The following MYO7A variants were observed in gnomAD, a reference collection of about 807,000 sequenced individuals.
The protein encoded by MYO7A is unconventional myosin-VIIa.
In MYO7A, 210 loss-of-function variants were observed where a neutral mutation model predicts 263.8. The observed-to-expected ratio is 0.80, with a 90% CI of 0.71 to 0.89. MYO7A has a LOEUF of 0.89. MYO7A is among the 40% of genes least tolerant of loss of function. The pLI, the probability that MYO7A is intolerant of heterozygous loss-of-function variation, is 0.00. For missense variants in MYO7A, 2,820 were observed against 2,968.3 expected (o/e 0.95, Z 1.16); for synonymous variants, 1,239 against 1,197.3 (o/e 1.03, Z -0.72).
chr11:77,203,001 G>T (rs551115299), intron 37 of MYO7A, 59 bp from the exon 38 acceptor site: 2 of 1,531,586 alleles, frequency 1.3e-6, no homozygotes, highest in South Asian at 2.4e-5. Context: ...ACAACCTGGG[G>T]GTTTCTCCCC....
chr11:77,189,387 C>T lies in MYO7A; in HGVS notation c.3547C>T (p.Pro1183Ser). ...GATCAGCAAGCAGCTGACCCACAAC[C>T]CCTCCAAGAGCAGCTATGCCCGGGG... ...CQISKQLTHN[P>S]SKSSYARGWI... Residue 1183 changes from proline to serine, a missense_variant, in exon 28 of 49, where the codon CCC (proline) becomes TCC (serine). Coordinates refer to ENST00000409709, the MANE Select transcript of MYO7A (RefSeq NM_000260.4). 1.2e-6 allele frequency: 2 copies of T among 1,613,846 alleles called. No homozygotes were observed. Among genetic ancestry groups the T allele is most frequent in the Non-Finnish European group, 1.7e-6 (2 of 1,179,902 alleles).
chr11:77,153,232 A>T (rs1451406715), intron 4 of MYO7A, among the ~76,000 whole-genome samples: 2 of 152,016 alleles, frequency 1.3e-5, no homozygotes, highest in Non-Finnish European at 2.9e-5. Context: ...CGGCATGCAG[A>T]TGGAGAGTGG....
chr11:77,200,308 G>A (rs930270838), intron 35 of MYO7A, among the ~76,000 whole-genome samples: 1 of 152,088 alleles, frequency 6.6e-6, no homozygotes, highest in African/African-American at 2.4e-5. Context: ...GAAAAAAGAT[G>A]GCACCAGCAT....
chr11:77,199,653 G>A lies in MYO7A; in HGVS notation c.4687G>A (p.Ala1563Thr), dbSNP rs771213750. The A allele has an allele frequency of 1.9e-6, 3 of 1,612,520 alleles. No individual in the cohort carries two copies. Among genetic ancestry groups the A allele is most frequent in the Non-Finnish European group, 2.5e-6 (3 of 1,179,630 alleles). ...TTCTCCGTGTTGGTCCTGCAGGGGAGCGAAAACGACGGCCCCCAGCTTCAC... is the reference window on the plus strand; with the variant it reads ...TTCTCCGTGTTGGTCCTGCAGGGGAACGAAAACGACGGCCCCCAGCTTCAC... Reference protein sequence around the residue: ...PCSPCWSCRGAKTTAPSFTLA... With the variant: ...PCSPCWSCRGTKTTAPSFTLA... Residue 1563 changes from alanine (A) to threonine (T), a missense_variant, in exon 35 of 49, where the codon GCG becomes ACG. By Grantham distance (58) the Ala-to-Thr change is moderately conservative. Coordinates refer to ENST00000409709, the MANE Select transcript of MYO7A (RefSeq NM_000260.4).
chr11:77,162,095 T>C, intron 12 of MYO7A, 25 bp from the exon 13 acceptor site: 2 of 1,573,968 alleles, frequency 1.3e-6, no homozygotes, highest in Non-Finnish European at 8.6e-7. Context: ...AACAACACCC[T>C]TACCCCATCC....
Position 77,177,445 on chromosome 11 carries a change from C to T in MYO7A, c.2188-104C>T, listed in dbSNP as rs1954741659. The T allele has an allele frequency of 4.3e-6, 4 of 936,886 alleles. No homozygotes were observed. The South Asian group carries it at 5.8e-5, about 14-fold the overall frequency. The allele number at this position is 936,886 out of a possible 1,614,324, so 58.0% of individuals were successfully genotyped here. ...GGAGCTCATGGGGCCCAACTGAGTTCTTGACCTGTGCTCCCAGTGAAGGAA... is the reference window on the plus strand; with the variant it reads ...GGAGCTCATGGGGCCCAACTGAGTTTTTGACCTGTGCTCCCAGTGAAGGAA... On this transcript the variant is annotated intron_variant, in intron 18 of 48. Transcript: ENST00000409709.
intron 2 of MYO7A, among the ~76,000 whole-genome samples, chr11:77,141,209 AATGCATGACTGT>A (rs1951189033): frequency 6.6e-6 from 1 of 152,204 alleles, no homozygotes; most frequent in Non-Finnish European, 1.5e-5. Flanking sequence ...TGACATTAAC[AATGCATGACTGT>A]AGCTGGTTCT....
Position 77,177,599 on chromosome 11 carries a change from C to G in MYO7A, c.2238C>G (p.Asp746Glu), listed in dbSNP as rs1954754036. The G allele has an allele frequency of 6.2e-7, 1 of 1,612,122 alleles. No homozygotes were observed. The highest frequency in any genetic ancestry group is 8.5e-7 in the Non-Finnish European group (1 of 1,179,430). Residue 746 changes from aspartate to glutamate, a missense_variant, in exon 19 of 49, where the codon GAC becomes GAG. Transcript: ENST00000409709. ...TGGAGCGGGACAAAGCCATCACCGA[C>G]AGAGTCATCCTCCTTCAGAAAGTCA... is the stretch of plus-strand genomic sequence containing the variant. Reference protein sequence around the residue: ...LEVERDKAITDRVILLQKVIR... With the variant: ...LEVERDKAITERVILLQKVIR...
intron 2 of MYO7A, among the ~76,000 whole-genome samples, chr11:77,134,997 C>T (rs553712393): frequency 8.5e-5 from 13 of 152,132 alleles, no homozygotes; most frequent in Admixed American, 7.9e-4. Context: ...GTTGGCCAGG[C>T]TGGTCTTGAA....
intron 4 of MYO7A, among the ~76,000 whole-genome samples, chr11:77,148,435 T>C (rs1951735921): frequency 6.6e-6 from 1 of 152,076 alleles, no homozygotes; most frequent in African/African-American, 2.4e-5. Context: ...CCTCAAACCT[T>C]GATATTAGAA....
At chr11:77,132,324 G>T (rs1555046271) in intron 2 of MYO7A, among the ~76,000 whole-genome samples, 1 of 151,940 alleles carries the variant, frequency 6.6e-6, no homozygotes, top group African/African-American at 2.4e-5. Context: ...CCCATTTCCC[G>T]TGGATCTTTC....
chr11:77,152,825 C>T (rs552513918), intron 4 of MYO7A, among the ~76,000 whole-genome samples: 2 of 152,088 alleles, frequency 1.3e-5, no homozygotes, highest in East Asian at 1.9e-4. Flanking sequence ...GAGGAGGCAT[C>T]GTCTCCGCTT....
intron 47 of MYO7A, 29 bp downstream of exon 47, chr11:77,213,064 G>A: frequency 3.9e-6 from 6 of 1,539,944 alleles, no homozygotes; most frequent in Non-Finnish European, 5.3e-6. Flanking sequence ...GCAAGTGGGG[G>A]CGGGCTTCTC....
At chr11:77,180,129 G>A (rs1262284741) in intron 21 of MYO7A, among the ~76,000 whole-genome samples, 176 bp downstream of exon 21, 10 of 152,248 alleles carry the variant, frequency 6.6e-5, no homozygotes, top group African/African-American at 2.4e-4. Flanking sequence ...CTCAGCCAAG[G>A]GCAGGGCTGG....
chr11:77,179,304 T>G (rs1954951912), intron 20 of MYO7A, among the ~76,000 whole-genome samples, 175 bp downstream of exon 20: 1 of 152,246 alleles, frequency 6.6e-6, no homozygotes, highest in Non-Finnish European at 1.5e-5. Context: ...CTGGCTCTTG[T>G]GGCTTCTTCC....
chr11:77,179,339 C>T (rs1954955184), intron 20 of MYO7A, among the ~76,000 whole-genome samples: 1 of 152,242 alleles, frequency 6.6e-6, no homozygotes, highest in Non-Finnish European at 1.5e-5. Context: ...GTTTGTTGCT[C>T]TCCTTCTGGA....
At chr11:77,160,346 C>T in intron 11 of MYO7A, 64 bp downstream of exon 11, 1 of 1,521,486 alleles carries the variant, frequency 6.6e-7, no homozygotes, top group South Asian at 1.2e-5. Context: ...TCTTGATGGG[C>T]AGGTGCCAAG....
At chr11:77,213,396 G>A (rs532060081) in intron 47 of MYO7A, among the ~76,000 whole-genome samples, 4 of 152,222 alleles carry the variant, frequency 2.6e-5, no homozygotes, top group South Asian at 2.1e-4. Flanking sequence ...CAGAGGGTCC[G>A]ACTGGACAGG....
intron 19 of MYO7A, among the ~76,000 whole-genome samples, chr11:77,178,341 C>A (rs968512409): frequency 1.5e-4 from 22 of 149,268 alleles, no homozygotes; most frequent in African/African-American, 5.4e-4. Flanking sequence ...ATCCACCATC[C>A]ATCCATCCAC....
Sources: gnomAD v4.1 joint callset for allele counts (sites outside exome capture counted in the v4.1 genomes callset) on GRCh38, gnomAD v4.1.1 for gene constraint, MANE v1.5 for transcripts, NCBI Gene and HGNC (gene_info 2026-07-23, HGNC 2026-07-21) for gene names.